The following CRPPA variants were observed in gnomAD, a reference collection of about 807,000 sequenced individuals.
CRPPA encodes D-ribitol-5-phosphate cytidylyltransferase.
In CRPPA, 43 loss-of-function variants were observed where a neutral mutation model predicts 52.0. The ratio of observed to expected loss-of-function variants is 0.83; its 90% confidence interval spans 0.65 to 1.07. The LOEUF (loss-of-function observed/expected upper bound fraction) is 1.07. CRPPA is among the 50% of genes least tolerant of loss of function. The pLI is 0.00. For synonymous variants in CRPPA, 250 were observed against 203.5 expected, an observed-to-expected ratio of 1.23 and a Z score of -1.94; for missense variants, 629 against 551.7, an observed-to-expected ratio of 1.14 and a Z score of -1.40.
intron 5 of CRPPA, among the ~76,000 whole-genome samples, chr7:16,282,614 G>A (rs772578543): frequency 6.6e-6 from 1 of 152,012 alleles, no homozygotes; most frequent in East Asian, 1.9e-4. Flanking sequence ...AAGTTTGAAA[G>A]TTATTAAAAT....
In CRPPA at chr7:16,211,518, CA is replaced by C. The variant is rs1019069896; in HGVS notation, c.1251+4547del. Among the ~76,000 whole-genome samples, 12 of 152,028 alleles carry C rather than the reference CA, an allele frequency of 7.9e-5. 1 individual carries two copies. Among genetic ancestry groups the C allele is most frequent in the Admixed American group, 7.2e-4 (11 of 15,246 alleles). On this transcript the variant is annotated intron_variant, in intron 9 of 9. Transcript: ENST00000407010. The stretch of plus-strand genomic sequence containing the variant: ...TAGTAAATAATTCCCATTTAAATTC[CA>C]AGTAATTGTTCATTGCAGAAAGTTG...
chr7:16,238,330 G>A (rs1360410598), intron 8 of CRPPA, among the ~76,000 whole-genome samples: 1 of 151,972 alleles, frequency 6.6e-6, no homozygotes, highest in African/African-American at 2.4e-5. Flanking sequence ...TAATCTATTA[G>A]GTAAGGGAGA....
intron 9 of CRPPA, among the ~76,000 whole-genome samples, chr7:16,134,775 T>G (rs1250634655): frequency 6.6e-6 from 1 of 152,204 alleles, no homozygotes; most frequent in Non-Finnish European, 1.5e-5. Flanking sequence ...TAAATTATAA[T>G]TGAATCACAG....
chr7:16,172,150 C>T (rs890104201), intron 9 of CRPPA, among the ~76,000 whole-genome samples: 1 of 152,136 alleles, frequency 6.6e-6, no homozygotes, highest in Non-Finnish European at 1.5e-5. Context: ...AATTCTTTCC[C>T]GATTACTTGC....
In CRPPA at chr7:16,258,932, A is replaced by G. The variant is rs1410897631; in HGVS notation, c.1014T>C (p.Phe338=). The part of the protein sequence containing the change: ...QQIILDQCYN[F]VCVNVTTSDF... Reference sequence around the variant, plus strand: ...TGAATTGACTTACATTCACACAAACAAAATTGTAGCATTGATCTAAGATGA... The same window carrying G: ...TGAATTGACTTACATTCACACAAACGAAATTGTAGCATTGATCTAAGATGA... The change falls in exon 7 of 10, where the codon TTT becomes TTC. Residue 338 remains phenylalanine (F), a synonymous_variant. Coordinates refer to ENST00000407010, the MANE Select transcript of CRPPA (RefSeq NM_001101426.4). 6.2e-7 allele frequency: 1 copy of G among 1,608,476 alleles called. No individual in the cohort carries two copies. The highest frequency in any genetic ancestry group is 1.3e-5 in the African/African-American group (1 of 74,726).
chr7:16,166,993 A>G (rs1252740930), intron 9 of CRPPA, among the ~76,000 whole-genome samples: 1 of 146,696 alleles, frequency 6.8e-6, no homozygotes, highest in East Asian at 2.0e-4. Context: ...CAGTGGTGCG[A>G]TCTCCACTCA....
At chr7:16,384,798 C>T (rs944208704) in intron 2 of CRPPA, among the ~76,000 whole-genome samples, 5 of 152,118 alleles carry the variant, frequency 3.3e-5, no homozygotes, top group African/African-American at 1.2e-4. Flanking sequence ...GTGATATCCT[C>T]CAGGGATGGG....
At chr7:16,192,485 T>C (rs148983298) in intron 9 of CRPPA, among the ~76,000 whole-genome samples, 212 of 152,254 alleles carry the variant, frequency 1.4e-3, no homozygotes, top group African/African-American at 4.5e-3. Context: ...TTAATGATTT[T>C]GACAAATACA....
chr7:16,280,267 G>A (rs368411917), intron 5 of CRPPA, among the ~76,000 whole-genome samples: 1 of 152,196 alleles, frequency 6.6e-6, no homozygotes, highest in Non-Finnish European at 1.5e-5. Context: ...ATCCCTTGCT[G>A]TCTTGGACAC....
At chr7:16,323,159 T>C (rs562723396) in intron 3 of CRPPA, among the ~76,000 whole-genome samples, 2 of 152,298 alleles carry the variant, frequency 1.3e-5, no homozygotes, top group East Asian at 3.9e-4. Flanking sequence ...ACTTCATTTT[T>C]AATTCACAAG....
chr7:16,283,315 T>C (rs1055559331), intron 5 of CRPPA, among the ~76,000 whole-genome samples: 1 of 150,754 alleles, frequency 6.6e-6, no homozygotes, highest in African/African-American at 2.4e-5. Context: ...TATTGTATCA[T>C]ATATGTATTT....
chr7:16,407,383 C>T (rs985049625), intron 1 of CRPPA, among the ~76,000 whole-genome samples: 1 of 152,208 alleles, frequency 6.6e-6, no homozygotes, highest in Non-Finnish European at 1.5e-5. Flanking sequence ...TGGAACACCA[C>T]TGCTAATGGA....
intron 3 of CRPPA, among the ~76,000 whole-genome samples, chr7:16,330,954 C>T (rs28783522): frequency 4.2e-4 from 64 of 152,212 alleles, no homozygotes; most frequent in African/African-American, 1.5e-3. Context: ...CTATCCTGTC[C>T]CATTTAAGGA....
intron 4 of CRPPA, among the ~76,000 whole-genome samples, chr7:16,303,500 A>AC (rs1784839220): frequency 1.3e-5 from 2 of 149,408 alleles, no homozygotes; most frequent in Non-Finnish European, 3.0e-5. Context: ...AAAAAAAAAA[A>AC]AAACTTTCAG....
chr7:16,229,221 A>T (rs938390019), intron 8 of CRPPA, among the ~76,000 whole-genome samples: 1 of 151,898 alleles, frequency 6.6e-6, no homozygotes, highest in African/African-American at 2.4e-5. Context: ...TTGGATTTTT[A>T]AAAATCTATT....
intron 2 of CRPPA, among the ~76,000 whole-genome samples, chr7:16,387,968 A>G (rs1787333314): frequency 2.0e-5 from 3 of 152,170 alleles, no homozygotes. Flanking sequence ...ACAAAGTTGG[A>G]AACTAATTTA....
At chr7:16,203,832 G>A (rs1781910898) in intron 9 of CRPPA, among the ~76,000 whole-genome samples, 1 of 152,132 alleles carries the variant, frequency 6.6e-6, no homozygotes, top group South Asian at 2.1e-4. Context: ...TCCTCCTCCA[G>A]TAAATTTAGC....
chr7:16,168,813 A>T (rs934557232), intron 9 of CRPPA, among the ~76,000 whole-genome samples: 1 of 152,170 alleles, frequency 6.6e-6, no homozygotes, highest in African/African-American at 2.4e-5. Context: ...TGTATACTAT[A>T]TGGCTTTATT....
chr7:16,116,592 A>G (rs1394811607), intron 9 of CRPPA, among the ~76,000 whole-genome samples: 2 of 144,686 alleles, frequency 1.4e-5, no homozygotes, highest in Non-Finnish European at 3.0e-5. Flanking sequence ...AACCCAGGAG[A>G]TGGAGGTTGC....
Sources: gnomAD v4.1 joint callset for allele counts (sites outside exome capture counted in the v4.1 genomes callset) on GRCh38, gnomAD v4.1.1 for gene constraint, MANE v1.5 for transcripts, NCBI Gene and HGNC (gene_info 2026-07-23, HGNC 2026-07-21) for gene names.